The following C1orf21 variants were observed in gnomAD, a reference collection of about 807,000 sequenced individuals.
C1orf21 encodes the protein chromosome 1 open reading frame 21.
In C1orf21, 3 loss-of-function variants were observed where a neutral mutation model predicts 18.7. That is an observed-to-expected ratio of 0.16 (90% CI 0.07 to 0.42). The LOEUF (loss-of-function observed/expected upper bound fraction) is 0.42, where lower values mean the gene tolerates loss of function less well. Among genes scored for constraint, C1orf21 ranks in the 10% least tolerant of loss-of-function variants. C1orf21 has a pLI of 0.99. For synonymous variants in C1orf21, 41 were observed against 46.4 expected, an observed-to-expected ratio of 0.88 and a Z score of 0.47; for missense variants, 104 against 143.6, an observed-to-expected ratio of 0.72 and a Z score of 1.41.
intron 1 of C1orf21, among the ~76,000 whole-genome samples, chr1:184,397,996 A>G (rs915334524): frequency 2.6e-5 from 4 of 152,144 alleles, no homozygotes; most frequent in Middle Eastern, 3.2e-3. Flanking sequence ...ATTGCAGAGT[A>G]TGTTTGTTAC....
At chr1:184,467,630 C>A (rs925485750) in intron 1 of C1orf21, among the ~76,000 whole-genome samples, 1 of 152,192 alleles carries the variant, frequency 6.6e-6, no homozygotes, top group Non-Finnish European at 1.5e-5. Context: ...CTAAAAACCA[C>A]CAAGCTGCCA....
intron 1 of C1orf21, among the ~76,000 whole-genome samples, chr1:184,457,229 C>A (rs370225365): frequency 6.6e-6 from 1 of 152,112 alleles, no homozygotes; most frequent in Non-Finnish European, 1.5e-5. Context: ...GAATTGCATC[C>A]GTTATCTTGA....
intron 3 of C1orf21, among the ~76,000 whole-genome samples, chr1:184,577,785 A>G (rs556426250): frequency 6.6e-6 from 1 of 152,310 alleles, no homozygotes; most frequent in South Asian, 2.1e-4. Flanking sequence ...TTAAAATATC[A>G]AAGACATGAT....
intron 1 of C1orf21, among the ~76,000 whole-genome samples, chr1:184,446,755 G>A (rs1291327239): frequency 2.0e-5 from 3 of 150,872 alleles, no homozygotes; most frequent in Admixed American, 2.0e-4. Flanking sequence ...GGCCACTGGG[G>A]GAAGTTGAAC....
At chr1:184,473,369 T>TA (rs1175895410) in intron 1 of C1orf21, among the ~76,000 whole-genome samples, 1 of 152,132 alleles carries the variant, frequency 6.6e-6, no homozygotes, top group Non-Finnish European at 1.5e-5. Context: ...CCATCAGACT[T>TA]ACCTCTCTCT....
In C1orf21 at chr1:184,610,853, A is replaced by G. The variant is rs566408713; in HGVS notation, c.328-8665A>G. ...CAGAGCGAGACTCTGACTCAAAAAAAAAAAAAAAAAGGCTTCTAAAATATC... is the reference window on the plus strand; with the variant it reads ...CAGAGCGAGACTCTGACTCAAAAAAGAAAAAAAAAAGGCTTCTAAAATATC... On this transcript the variant is annotated intron_variant, in intron 5 of 5. Coordinates refer to ENST00000235307, the MANE Select transcript of C1orf21 (RefSeq NM_030806.4). 3.3e-5 allele frequency among the ~76,000 whole-genome samples: 5 copies of G among 152,134 alleles called. No homozygotes were observed. In the East Asian group the frequency reaches 9.7e-4, roughly 29 times the overall value.
At chr1:184,472,067 G>T (rs947487606) in intron 1 of C1orf21, among the ~76,000 whole-genome samples, 2 of 151,852 alleles carry the variant, frequency 1.3e-5, no homozygotes, top group African/African-American at 4.8e-5. Context: ...CCCTCGGTGG[G>T]CTGCTGTATT....
chr1:184,441,347 A>G (rs924055694), intron 1 of C1orf21, among the ~76,000 whole-genome samples: 11 of 152,310 alleles, frequency 7.2e-5, no homozygotes, highest in Non-Finnish European at 1.3e-4. Flanking sequence ...TCCTCTTTAC[A>G]AAAAGGGGTG....
At chr1:184,607,624 T>TATACAC (rs1659665479) in intron 5 of C1orf21, among the ~76,000 whole-genome samples, 1 of 151,698 alleles carries the variant, frequency 6.6e-6, no homozygotes, top group African/African-American at 2.4e-5. Flanking sequence ...CACATGTGTA[T>TATACAC]ATACACATAC....
intron 3 of C1orf21, among the ~76,000 whole-genome samples, chr1:184,568,814 A>G (rs1223515327): frequency 1.3e-5 from 2 of 152,166 alleles, no homozygotes; most frequent in East Asian, 3.9e-4. Flanking sequence ...TCAGCTCCAA[A>G]GGTCATTCTG....
At chr1:184,441,525 G>A (rs973176273) in intron 1 of C1orf21, among the ~76,000 whole-genome samples, 1 of 152,146 alleles carries the variant, frequency 6.6e-6, no homozygotes, top group East Asian at 1.9e-4. Context: ...AAAATAGGAG[G>A]GCAGTAGGAA....
At chr1:184,523,534 C>A (rs1295239878) in intron 3 of C1orf21, among the ~76,000 whole-genome samples, 1 of 152,032 alleles carries the variant, frequency 6.6e-6, no homozygotes, top group African/African-American at 2.4e-5. Context: ...TTAAATGTGC[C>A]ATGGTGTCTT....
intron 1 of C1orf21, among the ~76,000 whole-genome samples, chr1:184,389,494 A>G (rs528201076): frequency 1.3e-4 from 20 of 152,334 alleles, no homozygotes; most frequent in Admixed American, 1.0e-3. Flanking sequence ...TTATCATTCA[A>G]CATGGGTTTC....
intron 1 of C1orf21, among the ~76,000 whole-genome samples, chr1:184,452,149 G>A (rs1465638525): frequency 6.6e-6 from 1 of 152,168 alleles, no homozygotes; most frequent in Non-Finnish European, 1.5e-5. Flanking sequence ...TATTCCTAAT[G>A]AGAATGTCAC....
chr1:184,408,664 A>G (rs1393096543), intron 1 of C1orf21, among the ~76,000 whole-genome samples: 1 of 152,194 alleles, frequency 6.6e-6, no homozygotes. Flanking sequence ...ACTGTTTACC[A>G]TCAAGGAGGG....
At chr1:184,391,020 T>G (rs1001305874) in intron 1 of C1orf21, among the ~76,000 whole-genome samples, 5 of 152,220 alleles carry the variant, frequency 3.3e-5, no homozygotes, top group Non-Finnish European at 5.9e-5. Flanking sequence ...ATTCAAGAGC[T>G]TATCTGAAGT....
intron 5 of C1orf21, among the ~76,000 whole-genome samples, chr1:184,610,300 C>T (rs1039678837): frequency 2.0e-5 from 3 of 152,210 alleles, no homozygotes; most frequent in African/African-American, 2.4e-5. Context: ...CGCTTTCAAG[C>T]TTACAATGGC....
chr1:184,541,951 A>T (rs1658658717), intron 3 of C1orf21, among the ~76,000 whole-genome samples: 1 of 152,190 alleles, frequency 6.6e-6, no homozygotes, highest in African/African-American at 2.4e-5. Flanking sequence ...CAGTTTTACA[A>T]GTATAGAACT....
At chr1:184,445,361 T>TCA (rs1657013036) in intron 1 of C1orf21, among the ~76,000 whole-genome samples, 2 of 151,858 alleles carry the variant, frequency 1.3e-5, no homozygotes, top group Admixed American at 1.3e-4. Context: ...TCTCTCTCTC[T>TCA]CTCTCTCTCT....
Sources: gnomAD v4.1 joint callset for allele counts (sites outside exome capture counted in the v4.1 genomes callset) on GRCh38, gnomAD v4.1.1 for gene constraint, MANE v1.5 for transcripts, NCBI Gene and HGNC (gene_info 2026-07-23, HGNC 2026-07-21) for gene names.